SUN2: variants seen among roughly 807,000 people sequenced by gnomAD.
SUN2 encodes the protein SUN domain-containing protein 2.
In SUN2, 60 loss-of-function variants were observed where a neutral mutation model predicts 100.0. That is an observed-to-expected ratio of 0.60 (90% CI 0.49 to 0.74). The LOEUF (loss-of-function observed/expected upper bound fraction) is 0.74. Among genes scored for constraint, SUN2 ranks in the 30% least tolerant of loss-of-function variants. The pLI is 0.00. For missense variants in SUN2, 834 were observed against 954.6 expected (o/e 0.87, Z 1.66); for synonymous variants, 367 against 403.3 (o/e 0.91, Z 1.08).
In SUN2 at chr22:38,735,373, A is replaced by G. The variant is rs917386999; in HGVS notation, c.*894T>C. The G allele has an allele frequency of 2.6e-6, 1 of 379,640 alleles. No homozygotes were observed. The highest frequency in any genetic ancestry group is 3.4e-5 in the Admixed American group (1 of 29,348). The allele number at this position is 379,640 out of a possible 1,614,324, so 23.5% of individuals were successfully genotyped here. A position where few individuals can be genotyped will look rare whatever the true frequency, so the allele number is the denominator to read the frequency against. Reference sequence around the variant, plus strand: ...CCGATACCCTGAACGTCCCCACAAGAGCCCAGGAGTTCCATGCTCCCCACT... The same window carrying G: ...CCGATACCCTGAACGTCCCCACAAGGGCCCAGGAGTTCCATGCTCCCCACT... On this transcript the variant is annotated 3_prime_UTR_variant, in exon 18 of 18. Coordinates refer to ENST00000689035, the MANE Select transcript of SUN2 (RefSeq NM_015374.3).
chr22:38,750,680 C>T (rs971246476), intron 4 of SUN2, among the ~76,000 whole-genome samples: 11 of 152,314 alleles, frequency 7.2e-5, no homozygotes, highest in South Asian at 4.1e-4. Flanking sequence ...GCCATAGACT[C>T]GTGGGGTGGG....
At chr22:38,746,757 C>T (rs559925849) in intron 7 of SUN2, among the ~76,000 whole-genome samples, 17 of 152,142 alleles carry the variant, frequency 1.1e-4, no homozygotes, top group South Asian at 4.1e-4. Context: ...CTGGGCCGGG[C>T]GCGGTGGCTC....
Position 38,739,081 on chromosome 22 carries a change from G to A in SUN2, c.1664-93C>T. ...GTCTCCTCGCTGAAGGTGGACGGCA[G>A]ATGCCCCAGGCCTAGCCTTTAACCC... is the stretch of plus-strand genomic sequence containing the variant. On this transcript the variant is annotated intron_variant, in intron 14 of 17. Coordinates refer to ENST00000689035, the MANE Select transcript of SUN2 (RefSeq NM_015374.3). This position sits in a 1 kb window ranked among gnomAD's most constrained non-coding sequence, Gnocchi z 6.7. 7.9e-7 allele frequency: 1 copy of A among 1,268,884 alleles called. No homozygotes were observed. Among genetic ancestry groups the A allele is most frequent in the Non-Finnish European group, 1.1e-6 (1 of 892,966 alleles). 78.6% of individuals were successfully genotyped at this position (1,268,884 alleles called of 1,614,324 possible). A position where few individuals can be genotyped will look rare whatever the true frequency, so the allele number is the denominator to read the frequency against.
At position 38,751,002 on chromosome 22, in the gene SUN2, G is replaced by A. The variant is rs775966191; in HGVS notation, c.320C>T (p.Thr107Met). 1.8e-5 allele frequency: 29 copies of A among 1,613,530 alleles called. No homozygotes were observed. The highest frequency in any genetic ancestry group is 4.4e-5 in the South Asian group (4 of 91,054). ...GGCCCTGCTGCTCTCTGAGCCACCC[G>A]TGCCTCTCCTCCTCCGCACCCGCAG... ...EDLRVRRRRG[T>M]GGSESSRASG... Residue 107 changes from threonine (T) to methionine (M), a missense_variant, in exon 4 of 18, where the codon ACG (threonine) becomes ATG (methionine). This residue lies in a region of SUN2 where 559 missense variants were observed against 597.7 expected (regional missense o/e 0.94). Coordinates refer to ENST00000689035, the MANE Select transcript of SUN2 (RefSeq NM_015374.3).
Position 38,736,349 on chromosome 22 carries a change from TCCA to T in SUN2, c.2069_2071del (p.Val690del). On this transcript the variant is annotated inframe_deletion, in exon 18 of 18. Transcript: ENST00000689035. ...GCCCCAGTTAGTCAGGATCCGCAGC[TCCA>T]CCACCTGGTACGTGGCCATCGTAGG... 1 of 1,613,884 alleles carries T rather than the reference TCCA, an allele frequency of 6.2e-7. No individual in the cohort carries two copies. Among genetic ancestry groups the T allele is most frequent in the Non-Finnish European group, 8.5e-7 (1 of 1,179,858 alleles).
intron 6 of SUN2, among the ~76,000 whole-genome samples, chr22:38,749,255 A>G (rs1427832855): frequency 1.3e-5 from 2 of 152,208 alleles, no homozygotes; most frequent in Non-Finnish European, 2.9e-5. Context: ...TAAGGGGCAC[A>G]TTCTCAAATC....
At chr22:38,750,436 A>G in intron 4 of SUN2, 116 bp from the exon 5 acceptor site, 1 of 1,533,612 alleles carries the variant, frequency 6.5e-7, no homozygotes, top group Non-Finnish European at 8.8e-7. Context: ...CCACAGCCCC[A>G]CACAGGCCCG....
rs372413342 is a variant in SUN2 at position 38,745,823 on chromosome 22, G to A, written c.686-12C>T. 93 of 1,612,704 alleles carry A rather than the reference G, an allele frequency of 5.8e-5. No homozygotes were observed. In the African/African-American group the frequency reaches 1.1e-3, roughly 19 times the overall value. ...GAAATACCAAGCACCTGTGCACAGG[G>A]GAGAGGGTGTTACCCCAGCTGGGCC... On this transcript the variant is annotated splice_polypyrimidine_tract_variant and intron_variant, in intron 7 of 17. Coordinates refer to ENST00000689035, the MANE Select transcript of SUN2 (RefSeq NM_015374.3).
chr22:38,739,424 C>T lies in SUN2; in HGVS notation c.1581G>A (p.Gln527=). The part of the protein sequence containing the change: ...KEGVIGVTEE[Q]VHHIVKQALQ... ...GGGCCTGCTTCACGATGTGGTGCAC[C>T]TGCTGCAATGCAGGCACCAGGAGAC... The change falls in exon 14 of 18, where the codon CAG becomes CAA. Residue 527 remains glutamine (Q), a splice_region_variant and synonymous_variant. Transcript: ENST00000689035. This position sits in a 1 kb window ranked among gnomAD's most constrained non-coding sequence, Gnocchi z 6.7. 7 of 1,612,976 alleles carry T rather than the reference C, an allele frequency of 4.3e-6. No individual in the cohort carries two copies. Among genetic ancestry groups the T allele is most frequent in the Non-Finnish European group, 5.9e-6 (7 of 1,179,982 alleles).
At position 38,754,699 on chromosome 22, in the gene SUN2, G is replaced by A. The variant is rs931588406; in HGVS notation, c.-38+1064C>T. ...TCTTAGCCTCTGTCCTGCTGAAGGA[G>A]GTGACACCTTTGCCCAGGGCAGAAA... On this transcript the variant is annotated intron_variant, in intron 1 of 17. Coordinates refer to ENST00000689035, the MANE Select transcript of SUN2 (RefSeq NM_015374.3). The A allele has an allele frequency of 2.3e-5, 30 of 1,288,166 alleles. No homozygotes were observed. In the African/African-American group the frequency reaches 4.1e-4, roughly 18 times the overall value. The allele number at this position is 1,288,166 out of a possible 1,614,324, so 79.8% of individuals were successfully genotyped here.
intron 9 of SUN2, 35 bp from the exon 10 acceptor site, chr22:38,741,606 AGCC>A (rs1457189150): frequency 6.3e-7 from 1 of 1,599,582 alleles, no homozygotes; most frequent in Non-Finnish European, 8.6e-7. Context: ...GGTTGGACAG[AGCC>A]ATGCTTATAG....
chr22:38,737,390 A>C lies in SUN2; in HGVS notation c.2040+783T>G. The stretch of plus-strand genomic sequence containing the variant: ...TGCTACGTCTTTGTCCTCACTCCCA[A>C]CGCCCCTCTCCCCCACCTATCCTGT... On this transcript the variant is annotated intron_variant, in intron 17 of 17. Transcript: ENST00000689035. This position sits in a 1 kb window ranked among gnomAD's most constrained non-coding sequence, Gnocchi z 4.1. Among the ~76,000 whole-genome samples the C allele has an allele frequency of 2.0e-5, 3 of 151,094 alleles. No individual in the cohort carries two copies. Among genetic ancestry groups the C allele is most frequent in the Non-Finnish European group, 3.0e-5 (2 of 67,744 alleles).
rs1490324925 is a variant in SUN2, at chr22:38,738,630, G to A, written c.1904C>T (p.Pro635Leu). 1.7e-5 allele frequency: 28 copies of A among 1,613,886 alleles called. No homozygotes were observed. The highest frequency in any genetic ancestry group is 2.3e-5 in the Non-Finnish European group (27 of 1,180,020). Residue 635 changes from proline (P) to leucine (L), a missense_variant, in exon 16 of 18, where the codon CCC becomes CTC. By Grantham distance (98) the Pro-to-Leu change is moderately conservative. Coordinates refer to ENST00000689035, the MANE Select transcript of SUN2 (RefSeq NM_015374.3). The surrounding 1 kb of genome is among the most constrained non-coding windows in gnomAD (Gnocchi z 6.6). The stretch of plus-strand genomic sequence containing the variant: ...GGGGGCACTGGAGATAGTGCTGTTG[G>A]GTGACAAGGCCTTGGGCACATGCTC... ...TLEHVPKALS[P>L]NSTISSAPKD...
chr22:38,748,776 A>G lies in SUN2; in HGVS notation c.622T>C (p.Ser208Pro), dbSNP rs1203432157. 4 of 1,614,228 alleles carry G rather than the reference A, an allele frequency of 2.5e-6. No individual in the cohort carries two copies. The South Asian group carries it at 4.4e-5, about 18-fold the overall frequency. Residue 208 changes from serine (S) to proline (P), a missense_variant, in exon 7 of 18, where the codon TCG becomes CCG. Physicochemically the swap from Ser to Pro is moderately conservative, Grantham distance 74. Around this residue, in one of 3 missense-constraint regions of SUN2, gnomAD observed 559 missense variants for 597.7 expected, o/e 0.94. Transcript: ENST00000689035. ...LDVFVLTRRF[S>P]SLKTFLWFLL... ...AACCAGAGGAACGTCTTCAGGGACGAGAAGCGCCTGGACCACGCGGGAGGG... is the reference window on the plus strand; with the variant it reads ...AACCAGAGGAACGTCTTCAGGGACGGGAAGCGCCTGGACCACGCGGGAGGG...
chr22:38,749,156 C>G (rs554369953), intron 6 of SUN2: 52 of 214,944 alleles, frequency 2.4e-4, no homozygotes, highest in Non-Finnish European at 4.4e-4. Context: ...ATCCTTGCCC[C>G]TTGTTTCAGT....
chr22:38,741,484 G>GC lies in SUN2; in HGVS notation c.1146+9dup. On this transcript the variant is annotated intron_variant, in intron 10 of 17. Transcript: ENST00000689035. Reference sequence around the variant, plus strand: ...CAGTCACAGGCCCTGAGTGCCGCAAGCCCGCTGACCTGGGAGGCCCGGACG... The same window carrying GC: ...CAGTCACAGGCCCTGAGTGCCGCAAGCCCCGCTGACCTGGGAGGCCCGGACG... 1 of 1,613,634 alleles carries GC rather than the reference G, an allele frequency of 6.2e-7. No individual in the cohort carries two copies. Among genetic ancestry groups the GC allele is most frequent in the Non-Finnish European group, 8.5e-7 (1 of 1,179,940 alleles).
In SUN2 at chr22:38,740,128, A is replaced by G; in HGVS notation, c.1356+139T>C. The G allele has an allele frequency of 7.9e-6, 10 of 1,272,830 alleles. No homozygotes were observed. The highest frequency in any genetic ancestry group is 2.5e-5 in the East Asian group (1 of 39,412). The allele number at this position is 1,272,830 out of a possible 1,614,324, so 78.8% of individuals were successfully genotyped here. Reference sequence around the variant, plus strand: ...AGAACGCCTGTCAGTGAGAGCCCACATGTGTCAAGGCCAACGCCACAGTCT... The same window carrying G: ...AGAACGCCTGTCAGTGAGAGCCCACGTGTGTCAAGGCCAACGCCACAGTCT... On this transcript the variant is annotated intron_variant, in intron 12 of 17. Coordinates refer to ENST00000689035, the MANE Select transcript of SUN2 (RefSeq NM_015374.3). This position sits in a 1 kb window ranked among gnomAD's most constrained non-coding sequence, Gnocchi z 4.8.
At position 38,742,367 on chromosome 22, in the gene SUN2, C is replaced by G; in HGVS notation, c.1002G>C (p.Gly334=). ...GGGCAGCTTCACGGCGGCTCACTAG[C>G]CCCTCCAGCAGCGCCAGGGTGTCCT... ...SHEDTLALLE[G]LVSRREAALK... Residue 334 remains glycine (G), a synonymous_variant, in exon 9 of 18, where the codon GGG becomes GGC. Transcript: ENST00000689035. 6.2e-7 allele frequency: 1 copy of G among 1,613,144 alleles called. No homozygotes were observed. Among genetic ancestry groups the G allele is most frequent in the Admixed American group, 1.7e-5 (1 of 60,024 alleles).
At position 38,740,271 on chromosome 22, in the gene SUN2, TC is replaced by T; in HGVS notation, c.1351del (p.Asp451ThrfsTer61). On this transcript the variant is annotated frameshift_variant, in exon 12 of 18. Transcript: ENST00000689035. LOFTEE classifies it high-confidence loss of function. This position sits in a 1 kb window ranked among gnomAD's most constrained non-coding sequence, Gnocchi z 4.8. Reference protein sequence around the residue: ...LLPQQIQAVRDDVESQFPAWI... With the variant: ...LLPQQIQAVRXDVESQFPAWI... ...GCCCTGGTGGTTCCCACTCACGTCG[TC>T]CCGCACGGCCTGGATCTGCTGGGGC... is the stretch of plus-strand genomic sequence containing the variant. 1 of 1,586,832 alleles carries T rather than the reference TC, an allele frequency of 6.3e-7. No individual in the cohort carries two copies. Among genetic ancestry groups the T allele is most frequent in the Non-Finnish European group, 8.6e-7 (1 of 1,165,996 alleles).
Sources: gnomAD v4.1 joint callset for allele counts (sites outside exome capture counted in the v4.1 genomes callset) on GRCh38, gnomAD v4.1.1 for gene constraint, gnomAD v4.1.1 regional missense constraint, Gnocchi (gnomAD v3.1) non-coding constraint, MANE v1.5 for transcripts, NCBI Gene and HGNC (gene_info 2026-07-23, HGNC 2026-07-21) for gene names.